GTF2I: variants seen among roughly 807,000 people sequenced by gnomAD.
GTF2I encodes general transcription factor IIi, also known as general transcription factor II-I.
In GTF2I, 12 loss-of-function variants were observed where a neutral mutation model predicts 67.6. That is an observed-to-expected ratio of 0.18 (90% confidence interval 0.11 to 0.29). GTF2I has a LOEUF of 0.29. GTF2I is among the 10% of genes least tolerant of loss of function. The pLI, the probability that GTF2I is intolerant of heterozygous loss-of-function variation, is 1.00. For synonymous variants in GTF2I, 149 were observed against 197.0 expected (o/e 0.76, Z 2.04); for missense variants, 271 against 580.1 (o/e 0.47, Z 5.47).
intron 7 of GTF2I, among the ~76,000 whole-genome samples, chr7:74,705,910 T>C (rs1790606113): frequency 2.0e-5 from 3 of 152,038 alleles, no homozygotes; most frequent in South Asian, 4.2e-4. Flanking sequence ...TGTACTTTTT[T>C]CCCCAAAAGA....
intron 9 of GTF2I, 39 bp downstream of exon 9, chr7:74,711,148 T>C: frequency 1.1e-6 from 1 of 901,660 alleles, no homozygotes. Flanking sequence ...CTAAAAATTA[T>C]TCGTGGTTAA....
chr7:74,709,163 C>A (rs972875715), intron 8 of GTF2I, among the ~76,000 whole-genome samples: 2 of 152,220 alleles, frequency 1.3e-5, no homozygotes, highest in African/African-American at 4.8e-5. Flanking sequence ...ACATTTGTAA[C>A]AGACAAGGAA....
intron 11 of GTF2I, 35 bp downstream of exon 11, chr7:74,716,985 T>C (rs782575127): frequency 3.2e-6 from 5 of 1,564,254 alleles, no homozygotes; most frequent in Non-Finnish European, 4.4e-6. Context: ...TTTTCCACTA[T>C]TTGTTGTATG....
chr7:74,730,713 CTT>C (rs869183139), intron 14 of GTF2I, among the ~76,000 whole-genome samples: 5 of 63,912 alleles, frequency 7.8e-5, no homozygotes, highest in African/African-American at 3.3e-4. Flanking sequence ...CTACTTTTAT[CTT>C]TTTTTTTTTT....
intron 1 of GTF2I, among the ~76,000 whole-genome samples, chr7:74,674,818 A>G (rs1168799839): frequency 6.6e-6 from 1 of 151,026 alleles, no homozygotes; most frequent in Non-Finnish European, 1.5e-5. Context: ...AAGTGCTGGG[A>G]TGATGGGCAT....
chr7:74,661,171 C>T (rs587700570), intron 1 of GTF2I, among the ~76,000 whole-genome samples: 1 of 152,040 alleles, frequency 6.6e-6, no homozygotes, highest in African/African-American at 2.4e-5. Context: ...TGGGCGTCCC[C>T]GGGAGAGCTG....
chr7:74,715,202 C>G (rs587676961), intron 10 of GTF2I, among the ~76,000 whole-genome samples: 1 of 151,970 alleles, frequency 6.6e-6, no homozygotes. Context: ...TCAGAACAGT[C>G]AGAAGCCAGG....
At chr7:74,726,373 T>C (rs1554405671) in intron 12 of GTF2I, 2 of 152,212 alleles carry the variant, frequency 1.3e-5, no homozygotes, top group Admixed American at 1.3e-4. Context: ...TCGGGTTTTT[T>C]AAAAAGTATA....
chr7:74,662,430 G>A (rs587648498), intron 1 of GTF2I, among the ~76,000 whole-genome samples: 28 of 147,150 alleles, frequency 1.9e-4, no homozygotes, highest in African/African-American at 6.2e-4. Context: ...GGCTGGTCTC[G>A]AACTCCTGAC....
At chr7:74,693,717 G>A (rs1303748378) in intron 3 of GTF2I, among the ~76,000 whole-genome samples, 1 of 152,110 alleles carries the variant, frequency 6.6e-6, no homozygotes, top group Non-Finnish European at 1.5e-5. Context: ...GTGGTGGCGC[G>A]TGCTTGTAGT....
At chr7:74,695,047 G>T (rs1788752429) in intron 3 of GTF2I, among the ~76,000 whole-genome samples, 1 of 152,178 alleles carries the variant, frequency 6.6e-6, no homozygotes, top group African/African-American at 2.4e-5. Context: ...AAAAAAGATT[G>T]CTTTCAAAAT....
chr7:74,690,915 C>T lies in GTF2I; in HGVS notation c.100-58C>T, dbSNP rs587772171. On this transcript the variant is annotated intron_variant, in intron 2 of 34. Coordinates refer to ENST00000573035, the MANE Select transcript of GTF2I (RefSeq NM_032999.4). ...TTGTTAGTTTTTTTAATTCATCGAGCAGAAATGATGCTCTTAAACGTCCGC... is the reference window on the plus strand; with the variant it reads ...TTGTTAGTTTTTTTAATTCATCGAGTAGAAATGATGCTCTTAAACGTCCGC... 11 of 1,500,384 alleles carry T rather than the reference C, an allele frequency of 7.3e-6. No homozygotes were observed. In the South Asian group the frequency reaches 1.2e-4, roughly 17 times the overall value. The allele number at this position is 1,500,384 out of a possible 1,614,324, so 92.9% of individuals were successfully genotyped here. A position where few individuals can be genotyped will look rare whatever the true frequency, so the allele number is the denominator to read the frequency against.
At chr7:74,722,214 C>T (rs1233479978) in intron 12 of GTF2I, among the ~76,000 whole-genome samples, 6 of 152,238 alleles carry the variant, frequency 3.9e-5, no homozygotes, top group South Asian at 4.1e-4. Context: ...TACCCACTGC[C>T]GGTGCGCTCT....
intron 1 of GTF2I, among the ~76,000 whole-genome samples, chr7:74,659,346 G>T (rs782584253): frequency 6.6e-6 from 1 of 151,956 alleles, no homozygotes; most frequent in East Asian, 1.9e-4. Flanking sequence ...TCCTGCCTCA[G>T]CCTCCTCAGT....
intron 8 of GTF2I, among the ~76,000 whole-genome samples, chr7:74,707,282 G>A (rs587770835): frequency 6.6e-6 from 1 of 152,338 alleles, no homozygotes; most frequent in South Asian, 2.1e-4. Context: ...TCGGCCCTGT[G>A]CCCCTTATTC....
chr7:74,710,984 A>G, intron 8 of GTF2I, 48 bp from the exon 9 acceptor site: 1 of 883,052 alleles, frequency 1.1e-6, no homozygotes. Flanking sequence ...TACACAATCT[A>G]GCTGAAAGTT....
At chr7:74,694,494 C>G (rs781875915) in intron 3 of GTF2I, among the ~76,000 whole-genome samples, 1 of 151,886 alleles carries the variant, frequency 6.6e-6, no homozygotes, top group African/African-American at 2.4e-5. Flanking sequence ...GGCTGAGGTA[C>G]GAGAATCGCT....
chr7:74,708,439 T>A (rs1288097018), intron 8 of GTF2I, among the ~76,000 whole-genome samples: 5 of 152,136 alleles, frequency 3.3e-5, no homozygotes, highest in African/African-American at 1.2e-4. Flanking sequence ...TCCATCTGAC[T>A]TCTGAGGTGG....
At chr7:74,667,952 G>A (rs782116425) in intron 1 of GTF2I, among the ~76,000 whole-genome samples, 1 of 151,236 alleles carries the variant, frequency 6.6e-6, no homozygotes, top group Non-Finnish European at 1.5e-5. Flanking sequence ...TTCTGCCTCA[G>A]CCTCTCAAGT....
Sources: gnomAD v4.1 joint callset for allele counts (sites outside exome capture counted in the v4.1 genomes callset) on GRCh38, gnomAD v4.1.1 for gene constraint, MANE v1.5 for transcripts, NCBI Gene and HGNC (gene_info 2026-07-23, HGNC 2026-07-21) for gene names.